TSHR: variants seen among roughly 807,000 people sequenced by gnomAD.
TSHR encodes thyroid stimulating hormone receptor.
Under a neutral mutation model 64.1 loss-of-function variants are expected in TSHR, and 51 were observed. The observed-to-expected ratio is 0.80, with a 90% CI of 0.64 to 1.01. TSHR has a LOEUF of 1.01. Ranked by LOEUF, TSHR falls within the 50% of genes least tolerant of loss-of-function variation. The probability of loss-of-function intolerance (pLI) is 0.00; values close to 1 mark genes in which losing one functional copy is unlikely to be tolerated. For synonymous variants in TSHR, 361 were observed against 361.9 expected (o/e 1.00, Z 0.03); for missense variants, 877 against 942.8 (o/e 0.93, Z 0.91).
At chr14:80,970,074 T>C (rs1887518534) in intron 1 of TSHR, among the ~76,000 whole-genome samples, 1 of 152,248 alleles carries the variant, frequency 6.6e-6, no homozygotes, top group Non-Finnish European at 1.5e-5. Context: ...GGGGCTGTAA[T>C]GCAGCAGTAG....
intron 1 of TSHR, among the ~76,000 whole-genome samples, chr14:81,006,967 T>A (rs939418390): frequency 4.6e-5 from 7 of 152,256 alleles, no homozygotes; most frequent in African/African-American, 1.7e-4. Flanking sequence ...TATTATTAAC[T>A]GAAGTCCATA....
intron 8 of TSHR, among the ~76,000 whole-genome samples, chr14:81,113,041 G>A (rs1169097989): frequency 6.6e-6 from 1 of 152,154 alleles, no homozygotes; most frequent in Non-Finnish European, 1.5e-5. Context: ...GCATAGGTGT[G>A]TCACAGTCTG....
At chr14:81,005,846 T>C (rs1889575341) in intron 1 of TSHR, among the ~76,000 whole-genome samples, 1 of 152,220 alleles carries the variant, frequency 6.6e-6, no homozygotes, top group Non-Finnish European at 1.5e-5. Flanking sequence ...GCGATGGGCC[T>C]TGAACAAAAC....
intron 1 of TSHR, among the ~76,000 whole-genome samples, chr14:80,999,735 C>A (rs1889206376): frequency 6.6e-6 from 1 of 152,084 alleles, no homozygotes; most frequent in South Asian, 2.1e-4. Context: ...TGTGAAGATG[C>A]TGCCATGCTG....
chr14:81,108,758 T>G, intron 8 of TSHR: 1 of 1,607,868 alleles, frequency 6.2e-7, no homozygotes, highest in Non-Finnish European at 8.5e-7. Context: ...TTGAAAAATT[T>G]TGAAATGCAA....
In TSHR at chr14:81,092,525, T is replaced by C. The variant is rs2139984951; in HGVS notation, c.468-6T>C. Reference sequence around the variant, plus strand: ...CATTAAGTGTTTTTGTCCCTCTCTCTTGCAGTGAAATTACAGACAACCCTT... The same window carrying C: ...CATTAAGTGTTTTTGTCCCTCTCTCCTGCAGTGAAATTACAGACAACCCTT... On this transcript the variant is annotated splice_polypyrimidine_tract_variant and splice_region_variant and intron_variant, in intron 5 of 9. Coordinates refer to ENST00000298171, the MANE Select transcript of TSHR (RefSeq NM_000369.5). 2.5e-6 allele frequency: 4 copies of C among 1,614,056 alleles called. No homozygotes were observed. The highest frequency in any genetic ancestry group is 3.4e-6 in the Non-Finnish European group (4 of 1,179,928).
At chr14:81,127,656 G>A (rs1891072807) in intron 8 of TSHR, among the ~76,000 whole-genome samples, 1 of 152,160 alleles carries the variant, frequency 6.6e-6, no homozygotes, top group African/African-American at 2.4e-5. Flanking sequence ...TGTTCTCATG[G>A]TAGTGAATAA....
At chr14:81,036,993 A>C (rs956753127) in intron 1 of TSHR, among the ~76,000 whole-genome samples, 1 of 151,920 alleles carries the variant, frequency 6.6e-6, no homozygotes, top group African/African-American at 2.4e-5. Context: ...AAATACAAAA[A>C]TTAGCTGGGT....
chr14:81,092,110 G>A (rs73334091), intron 5 of TSHR, among the ~76,000 whole-genome samples: 5,482 of 152,302 alleles, frequency 0.036, 313 homozygotes, highest in African/African-American at 0.12. Flanking sequence ...AGTTTGGCAA[G>A]TGAAGGACAT....
chr14:81,071,878 A>G (rs1887097206), intron 3 of TSHR, among the ~76,000 whole-genome samples: 1 of 152,172 alleles, frequency 6.6e-6, no homozygotes, highest in African/African-American at 2.4e-5. Flanking sequence ...TTTCAGTAAT[A>G]TTACATTTCA....
chr14:81,143,695 G>A lies in TSHR; in HGVS notation c.1637G>A (p.Trp546Ter), dbSNP rs121908866. 2.8e-4 allele frequency: 452 copies of A among 1,614,084 alleles called. No homozygotes were observed. The highest frequency in any genetic ancestry group is 3.7e-4 in the Non-Finnish European group (441 of 1,180,054). ...RHACAIMVGG[W>*]VCCFLLALLP... ...GCATGTGCCATCATGGTTGGGGGCT[G>A]GGTTTGCTGCTTCCTTCTCGCCCTG... Residue 546 changes from tryptophan (W) to a stop codon, truncating the protein, a stop_gained, in exon 10 of 10, where the codon TGG becomes TAG. Transcript: ENST00000298171. LOFTEE classifies it high-confidence loss of function.
rs1234473258 is a variant in TSHR, at chr14:81,103,485, A to T, written c.615-4890A>T. ...ATTTACACTCATTTTTTAAAATGTA[A>T]CTGAATAATACAATTACAGCCAAGC... On this transcript the variant is annotated intron_variant, in intron 7 of 9. Transcript: ENST00000298171. The surrounding 1 kb of genome is among the most constrained non-coding windows in gnomAD (Gnocchi z 4.1). The T allele has an allele frequency of 1.0e-6, 1 of 985,334 alleles. No individual in the cohort carries two copies. The highest frequency in any genetic ancestry group is 1.2e-6 in the Non-Finnish European group (1 of 829,950). The allele number at this position is 985,334 out of a possible 1,614,324, so 61.0% of individuals were successfully genotyped here. A position where few individuals can be genotyped will look rare whatever the true frequency, so the allele number is the denominator to read the frequency against.
At chr14:81,071,502 C>T (rs1055004334) in intron 3 of TSHR, among the ~76,000 whole-genome samples, 2 of 152,072 alleles carry the variant, frequency 1.3e-5, no homozygotes, top group South Asian at 4.1e-4. Context: ...GGGACATCTT[C>T]ATCCTTTGCA....
At chr14:81,063,300 A>G (rs1315592478) in intron 2 of TSHR, among the ~76,000 whole-genome samples, 1 of 151,942 alleles carries the variant, frequency 6.6e-6, no homozygotes, top group African/African-American at 2.4e-5. Flanking sequence ...TTTGCCAGCT[A>G]CTTAATTACC....
chr14:81,137,100 C>T (rs766757152), intron 8 of TSHR, among the ~76,000 whole-genome samples: 29 of 152,150 alleles, frequency 1.9e-4, no homozygotes, highest in Non-Finnish European at 4.1e-4. Flanking sequence ...AGAATTGAAA[C>T]CAGCTTCTGA....
intron 1 of TSHR, among the ~76,000 whole-genome samples, chr14:81,009,356 A>G (rs976657445): frequency 6.6e-6 from 1 of 152,136 alleles, no homozygotes; most frequent in African/African-American, 2.4e-5. Flanking sequence ...CAGTTTCTTT[A>G]TTATGGAATA....
intron 1 of TSHR, among the ~76,000 whole-genome samples, chr14:80,959,008 A>G (rs1886869143): frequency 6.6e-6 from 1 of 152,180 alleles, no homozygotes; most frequent in Non-Finnish European, 1.5e-5. Flanking sequence ...CTCTTTCTAA[A>G]CTTTATCTTC....
At chr14:81,018,741 G>T (rs1338877797) in intron 1 of TSHR, among the ~76,000 whole-genome samples, 1 of 152,152 alleles carries the variant, frequency 6.6e-6, no homozygotes, top group African/African-American at 2.4e-5. Context: ...TAGCACTCAA[G>T]CTGGTCCTAA....
rs1005047017 is a variant in TSHR, at chr14:81,127,438, T to C, written c.693-12241T>C. Among the ~76,000 whole-genome samples the C allele has an allele frequency of 2.0e-5, 3 of 152,024 alleles. No homozygotes were observed. In the East Asian group the frequency reaches 5.8e-4, roughly 29 times the overall value. ...TATGATGATGATCATTTTGGGTGTG[T>C]GTAGGGGTTGTGAGGTTGAGAAGGG... On this transcript the variant is annotated intron_variant, in intron 8 of 9. Coordinates refer to ENST00000298171, the MANE Select transcript of TSHR (RefSeq NM_000369.5).
Sources: allele counts gnomAD v4.1 joint callset (sites outside exome capture counted in the v4.1 genomes callset), GRCh38; gene constraint gnomAD v4.1.1; non-coding constraint Gnocchi (gnomAD v3.1); transcripts MANE v1.5; gene names NCBI Gene and HGNC (gene_info 2026-07-23, HGNC 2026-07-21).